The following ERBB4 variants were observed in gnomAD, a reference collection of about 807,000 sequenced individuals.
ERBB4 encodes receptor tyrosine-protein kinase erbB-4.
ERBB4 carries 42 observed loss-of-function variants against 158.0 expected under a neutral mutation model. The ratio of observed to expected loss-of-function variants is 0.27; its 90% CI spans 0.21 to 0.34. ERBB4 has a LOEUF of 0.34. Ranked by LOEUF, ERBB4 falls within the 10% of genes least tolerant of loss-of-function variation. The pLI is 1.00. For synonymous variants in ERBB4, 583 were observed against 558.7 expected, an observed-to-expected ratio of 1.04 and a Z score of -0.61; for missense variants, 1,333 against 1,624.1, an observed-to-expected ratio of 0.82 and a Z score of 3.08.
At chr2:211,898,239 C>T (rs191464428) in intron 3 of ERBB4, among the ~76,000 whole-genome samples, 2 of 152,212 alleles carry the variant, frequency 1.3e-5, no homozygotes, top group East Asian at 1.9e-4. Flanking sequence ...TTCTCTCTTA[C>T]ACCAAATCTT....
intron 3 of ERBB4, among the ~76,000 whole-genome samples, chr2:211,851,162 A>C (rs1234154282): frequency 6.6e-6 from 1 of 152,024 alleles, no homozygotes; most frequent in Admixed American, 6.6e-5. Context: ...AATGATGTAC[A>C]AAATTTGACT....
chr2:211,456,047 C>T (rs2064372752), intron 20 of ERBB4, among the ~76,000 whole-genome samples: 1 of 152,138 alleles, frequency 6.6e-6, no homozygotes. Context: ...TTTGCATGTG[C>T]ACCCGAACAT....
chr2:212,350,431 G>GT (rs2089203200), intron 1 of ERBB4, among the ~76,000 whole-genome samples: 1 of 152,072 alleles, frequency 6.6e-6, no homozygotes. Flanking sequence ...ATAAGCAAAT[G>GT]TTTTGCTGTC....
chr2:212,535,310 C>T (rs1459480985), intron 1 of ERBB4, among the ~76,000 whole-genome samples: 3 of 152,050 alleles, frequency 2.0e-5, no homozygotes, highest in Non-Finnish European at 4.4e-5. Context: ...ACAGTAAACA[C>T]TTGTAAGAAA....
At chr2:211,896,398 A>T (rs1193063884) in intron 3 of ERBB4, among the ~76,000 whole-genome samples, 2 of 152,186 alleles carry the variant, frequency 1.3e-5, no homozygotes. Flanking sequence ...ATTCATACTT[A>T]GTCCATCATC....
intron 5 of ERBB4, among the ~76,000 whole-genome samples, chr2:211,747,414 G>C (rs1327318305): frequency 6.6e-6 from 1 of 151,878 alleles, no homozygotes; most frequent in Non-Finnish European, 1.5e-5. Flanking sequence ...AATCACTTCT[G>C]GTTGATAAAC....
chr2:211,398,503 TC>T (rs557109805), intron 25 of ERBB4, among the ~76,000 whole-genome samples: 199 of 152,270 alleles, frequency 1.3e-3, no homozygotes, highest in African/African-American at 4.3e-3. Flanking sequence ...TCTCATTCTT[TC>T]CCTTCACTCC....
At chr2:211,643,209 A>G (rs1242600849) in intron 16 of ERBB4, among the ~76,000 whole-genome samples, 1 of 152,134 alleles carries the variant, frequency 6.6e-6, no homozygotes, top group East Asian at 1.9e-4. Context: ...TTGCCAATGA[A>G]ATGAAAGCAA....
intron 2 of ERBB4, among the ~76,000 whole-genome samples, chr2:212,118,840 T>A (rs1193197280): frequency 6.6e-6 from 1 of 152,082 alleles, no homozygotes; most frequent in African/African-American, 2.4e-5. Context: ...CTTTTCATAA[T>A]AACATGCATT....
Position 212,076,925 on chromosome 2 carries a change from A to G in ERBB4, c.234+47827T>C, listed in dbSNP as rs547797861. On this transcript the variant is annotated intron_variant, in intron 2 of 27. Transcript: ENST00000342788. ...TGAAGGGCTGGTAGTCAAAGTATTT[A>G]CATTAGTTCTATTGTTTAATAAGGG... is the stretch of plus-strand genomic sequence containing the variant. 8.0e-4 allele frequency among the ~76,000 whole-genome samples: 122 copies of G among 152,138 alleles called. 1 individual carries two copies. Among genetic ancestry groups the G allele is most frequent in the African/African-American group, 2.9e-3 (122 of 41,558 alleles).
At chr2:212,021,685 C>T (rs1329971124) in intron 2 of ERBB4, among the ~76,000 whole-genome samples, 3 of 151,968 alleles carry the variant, frequency 2.0e-5, no homozygotes, top group Non-Finnish European at 2.9e-5. Context: ...CATGAAATCG[C>T]CAAAAGCAAT....
At chr2:212,122,318 A>G (rs1039474259) in intron 2 of ERBB4, among the ~76,000 whole-genome samples, 5 of 152,048 alleles carry the variant, frequency 3.3e-5, no homozygotes, top group Admixed American at 6.6e-5. Flanking sequence ...GGTGTAATAC[A>G]TAAGTACTGC....
At chr2:211,806,834 G>T (rs996623032) in intron 3 of ERBB4, among the ~76,000 whole-genome samples, 2 of 151,636 alleles carry the variant, frequency 1.3e-5, no homozygotes, top group African/African-American at 4.8e-5. Flanking sequence ...TTTAAAAGTT[G>T]CATGAATGTA....
chr2:212,082,431 T>A (rs2078475007), intron 2 of ERBB4, among the ~76,000 whole-genome samples: 1 of 151,940 alleles, frequency 6.6e-6, no homozygotes, highest in Admixed American at 6.6e-5. Flanking sequence ...GCAAAGAAAT[T>A]GGGAAATAAA....
At chr2:211,814,749 T>A (rs1480752850) in intron 3 of ERBB4, among the ~76,000 whole-genome samples, 7 of 152,202 alleles carry the variant, frequency 4.6e-5, no homozygotes, top group African/African-American at 1.4e-4. Flanking sequence ...AGTCAGAAAT[T>A]TATATTATCT....
chr2:211,450,683 A>T (rs1011416411), intron 20 of ERBB4, among the ~76,000 whole-genome samples: 2 of 152,216 alleles, frequency 1.3e-5, no homozygotes, highest in African/African-American at 4.8e-5. Flanking sequence ...TGTTTATATT[A>T]TTCAGGTTTC....
chr2:212,488,743 T>C (rs999163265), intron 1 of ERBB4, among the ~76,000 whole-genome samples: 1 of 151,764 alleles, frequency 6.6e-6, no homozygotes, highest in Non-Finnish European at 1.5e-5. Flanking sequence ...TGCTTATAAT[T>C]ACCCCATTGT....
intron 1 of ERBB4, among the ~76,000 whole-genome samples, chr2:212,394,991 A>G (rs748715856): frequency 2.6e-5 from 4 of 152,166 alleles, no homozygotes; most frequent in Non-Finnish European, 5.9e-5. Context: ...ATCAATAAGC[A>G]TAATATGAAT....
intron 3 of ERBB4, among the ~76,000 whole-genome samples, chr2:211,943,783 A>C (rs545063808): frequency 3.3e-5 from 5 of 152,246 alleles, no homozygotes; most frequent in Admixed American, 1.3e-4. Flanking sequence ...AGTCACAACC[A>C]ACATGAAAGT....
Sources: gnomAD v4.1 joint callset for allele counts (sites outside exome capture counted in the v4.1 genomes callset) on GRCh38, gnomAD v4.1.1 for gene constraint, MANE v1.5 for transcripts, NCBI Gene and HGNC (gene_info 2026-07-23, HGNC 2026-07-21) for gene names.